The following YPEL3 variants were observed in gnomAD, a reference collection of about 807,000 sequenced individuals.
YPEL3 encodes the protein yippee like 3, also known as protein yippee-like 3.
YPEL3 carries 5 observed loss-of-function variants against 17.5 expected under a neutral mutation model. The observed-to-expected ratio is 0.29, with a 90% CI of 0.15 to 0.60. The LOEUF (loss-of-function observed/expected upper bound fraction) is 0.60, where lower values mean the gene tolerates loss of function less well. Among genes scored for constraint, YPEL3 ranks in the 20% least tolerant of loss-of-function variants. The pLI is 0.87. For missense variants in YPEL3, 155 were observed against 211.4 expected, an observed-to-expected ratio of 0.73 and a Z score of 1.65; for synonymous variants, 87 against 87.2, an observed-to-expected ratio of 1.00 and a Z score of 0.01.
At position 30,092,658 on chromosome 16, in the gene YPEL3, G is replaced by A; in HGVS notation, c.*52C>T. ...CTTCGGGTGGCGGGAAGCCAGTGGC[G>A]CTCCCTGGCGGCCAGGCCGGGCTGG... On this transcript the variant is annotated 3_prime_UTR_variant, in exon 4 of 4. Coordinates refer to ENST00000398841, the MANE Select transcript of YPEL3 (RefSeq NM_031477.5). 1.3e-6 allele frequency: 2 copies of A among 1,582,808 alleles called. No individual in the cohort carries two copies. The highest frequency in any genetic ancestry group is 1.7e-6 in the Non-Finnish European group (2 of 1,153,632).
chr16:30,094,659 TG>T, intron 3 of YPEL3, 129 bp downstream of exon 3: 2 of 835,444 alleles, frequency 2.4e-6, no homozygotes, highest in Non-Finnish European at 4.1e-6. Flanking sequence ...AAAGAGAATG[TG>T]GTCAGGGATG....
In YPEL3 at chr16:30,095,284, G is replaced by A; in HGVS notation, c.199C>T (p.His67Tyr). 6.2e-7 allele frequency: 1 copy of A among 1,614,188 alleles called. No individual in the cohort carries two copies. The highest frequency in any genetic ancestry group is 8.5e-7 in the Non-Finnish European group (1 of 1,180,014). The change falls in exon 1 of 4, where the codon CAC becomes TAC. Residue 67 changes from histidine (H) to tyrosine (Y), a missense_variant. Coordinates refer to ENST00000398841, the MANE Select transcript of YPEL3 (RefSeq NM_031477.5). The surrounding 1 kb of genome is among the most constrained non-coding windows in gnomAD (Gnocchi z 5.4). ...RRYSCAHCRAHLANHDDLISK... is the reference protein window; with the variant it reads ...RRYSCAHCRAYLANHDDLISK... The stretch of plus-strand genomic sequence containing the variant: ...ATGAGGTCGTCGTGGTTGGCCAGGT[G>A]AGCGCGGCAGTGGGCACAGCTATAC...
At position 30,092,705 on chromosome 16, in the gene YPEL3, G is replaced by A. The variant is rs763833364; in HGVS notation, c.*5C>T. The A allele has an allele frequency of 8.7e-6, 14 of 1,613,500 alleles. No individual in the cohort carries two copies. Among genetic ancestry groups the A allele is most frequent in the African/African-American group, 1.3e-5 (1 of 74,930 alleles). On this transcript the variant is annotated 3_prime_UTR_variant, in exon 4 of 4. Coordinates refer to ENST00000398841, the MANE Select transcript of YPEL3 (RefSeq NM_031477.5). ...CTGGAGCCACATGCGTCGGGGGAGCGGGGGTCAGTCCCAGCCGTTGTCTTT... is the reference window on the plus strand; with the variant it reads ...CTGGAGCCACATGCGTCGGGGGAGCAGGGGTCAGTCCCAGCCGTTGTCTTT...
intron 3 of YPEL3, chr16:30,093,640 G>C (rs2072762275): frequency 6.6e-6 from 1 of 151,276 alleles, no homozygotes; most frequent in African/African-American, 2.4e-5. Flanking sequence ...GTCTCGCTCT[G>C]TCTCCGCTCA....
In YPEL3 at chr16:30,092,386, G is replaced by A. The variant is rs535333355; in HGVS notation, c.*324C>T. 3 of 326,388 alleles carry A rather than the reference G, an allele frequency of 9.2e-6. No homozygotes were observed. Among genetic ancestry groups the A allele is most frequent in the Non-Finnish European group, 1.2e-5 (2 of 173,192 alleles). 20.2% of individuals were successfully genotyped at this position (326,388 alleles called of 1,614,324 possible). A position where few individuals can be genotyped will look rare whatever the true frequency, so the allele number is the denominator to read the frequency against. ...GGGACAGACACGCGTGGGGTAAGAA[G>A]GGCCTGGTGGGAGGAGTTCACAGAG... On this transcript the variant is annotated 3_prime_UTR_variant, in exon 4 of 4. Transcript: ENST00000398841.
chr16:30,093,321 G>A (rs1013337162), intron 3 of YPEL3, among the ~76,000 whole-genome samples: 1 of 152,118 alleles, frequency 6.6e-6, no homozygotes, highest in African/African-American at 2.4e-5. Flanking sequence ...GAAGTGCAAC[G>A]GCGCGATATC....
In YPEL3 at chr16:30,096,076, C is replaced by A. The variant is rs1271726252; in HGVS notation, c.-594G>T. On this transcript the variant is annotated 5_prime_UTR_variant, in exon 1 of 4. Transcript: ENST00000398841. Reference sequence around the variant, plus strand: ...GGCAGGGGCGCGGGGCGACACGCAGCCCTGACGGCGCGGGCCTCACCTCGC... The same window carrying A: ...GGCAGGGGCGCGGGGCGACACGCAGACCTGACGGCGCGGGCCTCACCTCGC... The A allele has an allele frequency of 1.3e-5, 2 of 149,880 alleles. No individual in the cohort carries two copies. Among genetic ancestry groups the A allele is most frequent in the Non-Finnish European group, 3.0e-5 (2 of 67,096 alleles). 9.3% of individuals were successfully genotyped at this position (149,880 alleles called of 1,614,324 possible). A position where few individuals can be genotyped will look rare whatever the true frequency, so the allele number is the denominator to read the frequency against.
At position 30,092,434 on chromosome 16, in the gene YPEL3, A is replaced by G. The variant is rs2072740724; in HGVS notation, c.*276T>C. 2 of 440,952 alleles carry G rather than the reference A, an allele frequency of 4.5e-6. No individual in the cohort carries two copies. The highest frequency in any genetic ancestry group is 3.9e-5 in the African/African-American group (2 of 50,984). The allele number at this position is 440,952 out of a possible 1,614,324, so 27.3% of individuals were successfully genotyped here. On this transcript the variant is annotated 3_prime_UTR_variant, in exon 4 of 4. Coordinates refer to ENST00000398841, the MANE Select transcript of YPEL3 (RefSeq NM_031477.5). ...GAGCAGACGGTGCACTGGGACCAGG[A>G]GAGCAGAACACAGGCCATAACTATA...
chr16:30,092,946 G>A (rs1359854856), intron 3 of YPEL3, 147 bp from the exon 4 acceptor site: 6 of 648,986 alleles, frequency 9.2e-6, no homozygotes, highest in Non-Finnish European at 1.6e-5. Context: ...CAAACACAGA[G>A]TAGAATAGAA....
At chr16:30,093,351 T>C (rs964937378) in intron 3 of YPEL3, among the ~76,000 whole-genome samples, 1 of 152,184 alleles carries the variant, frequency 6.6e-6, no homozygotes, top group Non-Finnish European at 1.5e-5. Context: ...CAACCTCCGC[T>C]TCCCGGGTTC....
rs760745635 is a variant in YPEL3, at chr16:30,094,851, C to T, written c.322G>A (p.Gly108Ser). 4.3e-6 allele frequency: 7 copies of T among 1,613,998 alleles called. No individual in the cohort carries two copies. Among genetic ancestry groups the T allele is most frequent in the East Asian group, 2.2e-5 (1 of 44,884 alleles). Residue 108 changes from glycine to serine, a missense_variant, in exon 3 of 4, where the codon GGC (glycine) becomes AGC (serine). Gly to Ser is a moderately conservative substitution (Grantham distance 56). Around this residue, in one of 3 missense-constraint regions of YPEL3, gnomAD observed 74 missense variants for 134.9 expected, o/e 0.55. Coordinates refer to ENST00000398841, the MANE Select transcript of YPEL3 (RefSeq NM_031477.5). Reference sequence around the variant, plus strand: ...TGGATGTCGGCGACAGCATGGAGGCCGGTCAGCAGCACCCGCTCCTCGGCT... The same window carrying T: ...TGGATGTCGGCGACAGCATGGAGGCTGGTCAGCAGCACCCGCTCCTCGGCT... ...GPAEERVLLT[G>S]LHAVADIHCE...
intron 3 of YPEL3, among the ~76,000 whole-genome samples, chr16:30,093,508 G>A (rs1327013943): frequency 6.6e-6 from 1 of 152,104 alleles, no homozygotes; most frequent in East Asian, 1.9e-4. Flanking sequence ...TGATCCACCT[G>A]CCTCAGACTC....
At position 30,095,554 on chromosome 16, in the gene YPEL3, C is replaced by A; in HGVS notation, c.-72G>T. 7.6e-7 allele frequency: 1 copy of A among 1,316,484 alleles called. No individual in the cohort carries two copies. The allele number at this position is 1,316,484 out of a possible 1,614,324, so 81.6% of individuals were successfully genotyped here. ...TGCTCTCTCCTTTCCCCAGAGCCAG[C>A]AGCCTCTCCGGGGACCAGAGGCGTC... is the stretch of plus-strand genomic sequence containing the variant. On this transcript the variant is annotated 5_prime_UTR_variant, in exon 1 of 4. Transcript: ENST00000398841. This position sits in a 1 kb window ranked among gnomAD's most constrained non-coding sequence, Gnocchi z 5.4.
intron 3 of YPEL3, among the ~76,000 whole-genome samples, 175 bp from the exon 4 acceptor site, chr16:30,092,974 A>ATT (rs1357897702): frequency 1.6e-4 from 25 of 152,326 alleles, no homozygotes; most frequent in African/African-American, 6.0e-4. Flanking sequence ...ACTCAAAGGT[A>ATT]CTTTTTTAAG....
chr16:30,092,603 T>C lies in YPEL3; in HGVS notation c.*107A>G, dbSNP rs969778208. The C allele has an allele frequency of 2.3e-5, 23 of 1,000,364 alleles. No individual in the cohort carries two copies. The highest frequency in any genetic ancestry group is 3.4e-5 in the Non-Finnish European group (22 of 643,122). The allele number at this position is 1,000,364 out of a possible 1,614,324, so 62.0% of individuals were successfully genotyped here. A position where few individuals can be genotyped will look rare whatever the true frequency, so the allele number is the denominator to read the frequency against. The stretch of plus-strand genomic sequence containing the variant: ...ATATATACAGGAGCTAGATCCGTCC[T>C]CTGCAGGGGCTCTGAGGGTCCAGAG... On this transcript the variant is annotated 3_prime_UTR_variant, in exon 4 of 4. Coordinates refer to ENST00000398841, the MANE Select transcript of YPEL3 (RefSeq NM_031477.5).
intron 3 of YPEL3, chr16:30,093,606 AATTATT>A (rs1411138211): frequency 1.3e-5 from 2 of 148,684 alleles, no homozygotes; most frequent in Admixed American, 6.6e-5. Flanking sequence ...GCTCTTTATT[AATTATT>A]ATTATTTTTG....
intron 3 of YPEL3, chr16:30,093,743 AT>A (rs1209936876): frequency 0.022 from 2,873 of 131,278 alleles, 55 homozygotes; most frequent in African/African-American, 0.061. Context: ...CACCCAGCTG[AT>A]TTTTTTTTTT....
chr16:30,092,806 G>C lies in YPEL3; in HGVS notation c.385-7C>G, dbSNP rs1235546481. 1.9e-6 allele frequency: 3 copies of C among 1,613,588 alleles called. No individual in the cohort carries two copies. The African/African-American group carries it at 4.0e-5, about 22-fold the overall frequency. On this transcript the variant is annotated splice_region_variant and splice_polypyrimidine_tract_variant and intron_variant, in intron 3 of 3. Coordinates refer to ENST00000398841, the MANE Select transcript of YPEL3 (RefSeq NM_031477.5). The stretch of plus-strand genomic sequence containing the variant: ...TGCTCTCAAAGGCCTGTTCCTGAAA[G>C]GAGGGGCGGGACCGTCATCCCCGGA...
At position 30,094,714 on chromosome 16, in the gene YPEL3, G is replaced by A. The variant is rs1339170083; in HGVS notation, c.384+75C>T. Reference sequence around the variant, plus strand: ...GCCTATGCAATCTGAAAGGCTATAGGGTGACAGCTTGTCAGGAGGAGGTGT... The same window carrying A: ...GCCTATGCAATCTGAAAGGCTATAGAGTGACAGCTTGTCAGGAGGAGGTGT... On this transcript the variant is annotated intron_variant, in intron 3 of 3. Coordinates refer to ENST00000398841, the MANE Select transcript of YPEL3 (RefSeq NM_031477.5). 8.2e-6 allele frequency: 11 copies of A among 1,348,166 alleles called. No homozygotes were observed. The African/African-American group carries it at 1.0e-4, about 12-fold the overall frequency. 83.5% of individuals were successfully genotyped at this position (1,348,166 alleles called of 1,614,324 possible).
Sources: allele counts gnomAD v4.1 joint callset (sites outside exome capture counted in the v4.1 genomes callset), GRCh38; gene constraint gnomAD v4.1.1; regional missense constraint gnomAD v4.1.1; non-coding constraint Gnocchi (gnomAD v3.1); transcripts MANE v1.5; gene names NCBI Gene and HGNC (gene_info 2026-07-23, HGNC 2026-07-21).